The following MAP3K15 variants were observed in gnomAD, a reference collection of about 807,000 sequenced individuals.
MAP3K15 encodes mitogen-activated protein kinase kinase kinase 15.
MAP3K15 carries 124 observed loss-of-function variants against 99.5 expected under a neutral mutation model. The observed-to-expected ratio is 1.25, with a 90% CI of 1.08 to 1.45. The LOEUF (loss-of-function observed/expected upper bound fraction) is 1.45. Among genes scored for constraint, MAP3K15 ranks in the 40% most tolerant of loss-of-function variants. The probability of loss-of-function intolerance (pLI) is 0.00; values close to 1 mark genes in which losing one functional copy is unlikely to be tolerated. For synonymous variants in MAP3K15, 494 were observed against 439.6 expected (o/e 1.12, Z -1.55); for missense variants, 1,242 against 1,079.7 (o/e 1.15, Z -2.11).
At chrX:19,484,861 A>G (rs918602369) in intron 3 of MAP3K15, among the ~76,000 whole-genome samples, 2 of 111,630 alleles carry the variant, frequency 1.8e-5, no homozygotes, top group African/African-American at 6.5e-5. Context: ...AACATTTCTC[A>G]TTTTATTGCT....
At chrX:19,417,709 C>T (rs771063130) in intron 9 of MAP3K15, among the ~76,000 whole-genome samples, 202 of 111,808 alleles carry the variant, frequency 1.8e-3, no homozygotes, top group African/African-American at 6.2e-3. Context: ...TCTCCCAGCA[C>T]GCAGCTCGAG....
rs757210806 is a variant in MAP3K15 at position 19,482,547 on chromosome X, G to T, written c.525+3935C>A. Among the ~76,000 whole-genome samples, 3 of 111,911 alleles carry T rather than the reference G, an allele frequency of 2.7e-5. No individual in the cohort carries two copies. The East Asian group carries it at 8.5e-4, about 32-fold the overall frequency. On this transcript the variant is annotated intron_variant, in intron 3 of 28. Coordinates refer to ENST00000338883, the MANE Select transcript of MAP3K15 (RefSeq NM_001001671.4). ...CTTTCACATGAGAAGTCTTGAAAAG[G>T]CAAGTCTATAAGACAAAAAGCAGAT...
At chrX:19,451,996 T>G (rs2064042171) in intron 6 of MAP3K15, among the ~76,000 whole-genome samples, 1 of 103,887 alleles carries the variant, frequency 9.6e-6, no homozygotes, top group African/African-American at 3.6e-5. Context: ...GAGGTGGAGG[T>G]TGCAGTGAGC....
chrX:19,502,765 C>T (rs184862449), intron 1 of MAP3K15, among the ~76,000 whole-genome samples: 8 of 111,829 alleles, frequency 7.2e-5, no homozygotes, highest in South Asian at 7.5e-4. Flanking sequence ...GAGGTTGCGG[C>T]GAGCCAAGGT....
At chrX:19,387,543 C>T (rs1461608518) in intron 18 of MAP3K15, among the ~76,000 whole-genome samples, 1 of 109,960 alleles carries the variant, frequency 9.1e-6, no homozygotes, top group Non-Finnish European at 1.9e-5. Flanking sequence ...CGCACCACCA[C>T]ACCCAGCTGA....
At chrX:19,385,393 A>G (rs1280428835) in intron 18 of MAP3K15, among the ~76,000 whole-genome samples, 1 of 111,881 alleles carries the variant, frequency 8.9e-6, no homozygotes, top group Non-Finnish European at 1.9e-5. Flanking sequence ...ACTGCCTTTT[A>G]TGACCTAGTG....
At chrX:19,461,992 AACACACACACACACAC>A (rs66666219) in intron 4 of MAP3K15, among the ~76,000 whole-genome samples, 2,187 of 100,602 alleles carry the variant, frequency 0.022, 74 homozygotes, top group African/African-American at 0.076. Context: ...CTTGGTCTAA[AACACACACACACACAC>A]ACACACACAC....
intron 3 of MAP3K15, among the ~76,000 whole-genome samples, chrX:19,465,164 G>A (rs2064157570): frequency 9.0e-6 from 1 of 111,265 alleles, no homozygotes; most frequent in Non-Finnish European, 1.9e-5. Context: ...AAAGTGCTGG[G>A]ACTACAGGCT....
intron 14 of MAP3K15, among the ~76,000 whole-genome samples, chrX:19,399,885 T>C (rs143369203): frequency 1.2e-3 from 131 of 111,346 alleles, no homozygotes; most frequent in African/African-American, 3.9e-3. Flanking sequence ...CAAAGCACCA[T>C]TGCTCAGTTC....
At chrX:19,444,728 A>C (rs1423334371) in intron 6 of MAP3K15, among the ~76,000 whole-genome samples, 1 of 112,108 alleles carries the variant, frequency 8.9e-6, no homozygotes, top group Non-Finnish European at 1.9e-5. Flanking sequence ...AGGAAGACTC[A>C]GAAGCTCCTC....
chrX:19,491,609 A>G (rs1373169299), intron 1 of MAP3K15, among the ~76,000 whole-genome samples: 1 of 111,199 alleles, frequency 9.0e-6, no homozygotes, highest in East Asian at 2.8e-4. Context: ...TGGGGCCACA[A>G]TACCCCAGAA....
intron 3 of MAP3K15, among the ~76,000 whole-genome samples, chrX:19,470,408 G>T (rs747408048): frequency 3.6e-5 from 4 of 110,287 alleles, no homozygotes; most frequent in African/African-American, 1.3e-4. Context: ...TTGTGGGGTG[G>T]GGGGAGCAGG....
At chrX:19,403,152 G>A (rs1455550382) in intron 13 of MAP3K15, among the ~76,000 whole-genome samples, 1 of 111,107 alleles carries the variant, frequency 9.0e-6, no homozygotes, top group Non-Finnish European at 1.9e-5. Context: ...CTGGGAGGCA[G>A]GTACAAGAAT....
chrX:19,467,103 A>G (rs1909116435), intron 3 of MAP3K15, among the ~76,000 whole-genome samples: 1 of 111,626 alleles, frequency 9.0e-6, no homozygotes, highest in Non-Finnish European at 1.9e-5. Flanking sequence ...AAGACTGAAC[A>G]CCCCTGATTT....
At chrX:19,398,679 T>C (rs1024370985) in intron 14 of MAP3K15, among the ~76,000 whole-genome samples, 1 of 112,297 alleles carries the variant, frequency 8.9e-6, no homozygotes, top group African/African-American at 3.2e-5. Flanking sequence ...TCTAAGCATG[T>C]TGAATAACCC....
intron 1 of MAP3K15, among the ~76,000 whole-genome samples, chrX:19,494,285 A>G (rs911534661): frequency 4.5e-5 from 5 of 110,795 alleles, no homozygotes. Flanking sequence ...ACATAATGAG[A>G]CTCTGTCTTT....
chrX:19,465,075 T>C (rs2064156906), intron 3 of MAP3K15, among the ~76,000 whole-genome samples: 1 of 110,359 alleles, frequency 9.1e-6, no homozygotes, highest in African/African-American at 3.3e-5. Flanking sequence ...TATTATTTTG[T>C]AGAGATTGGG....
At chrX:19,370,912 T>C (rs1410090046) in intron 24 of MAP3K15, 47 bp downstream of exon 24, 1 of 949,521 alleles carries the variant, frequency 1.1e-6, no homozygotes, top group Non-Finnish European at 1.5e-6. Flanking sequence ...ATATTTCTTA[T>C]CTTTTCACGG....
chrX:19,371,390 C>T lies in MAP3K15; in HGVS notation c.3249G>A (p.Ser1083=), dbSNP rs1237428910. 4 of 1,208,819 alleles carry T rather than the reference C, an allele frequency of 3.3e-6. No homozygotes were observed. The highest frequency in any genetic ancestry group is 1.8e-5 in the African/African-American group (1 of 57,021). Residue 1083 remains serine, a synonymous_variant, in exon 23 of 29, where the codon TCG becomes TCA. Coordinates refer to ENST00000338883, the MANE Select transcript of MAP3K15 (RefSeq NM_001001671.4). ...GCACCAGGTGAATCTGACTGATGGACGAGCTGTCAAAGTCCAGGTCCACCT... is the reference window on the plus strand; with the variant it reads ...GCACCAGGTGAATCTGACTGATGGATGAGCTGTCAAAGTCCAGGTCCACCT... ...KLKVDLDFDS[S]SISQIHLVLF...
Sources: gnomAD v4.1 joint callset for allele counts (sites outside exome capture counted in the v4.1 genomes callset) on GRCh38, gnomAD v4.1.1 for gene constraint, MANE v1.5 for transcripts, NCBI Gene and HGNC (gene_info 2026-07-23, HGNC 2026-07-21) for gene names.